MPP4: variants seen among roughly 807,000 people sequenced by gnomAD.
MPP4 encodes MAGUK p55 subfamily member 4.
A neutral mutation model predicts 98.3 loss-of-function variants in MPP4; 91 were observed. The ratio of observed to expected loss-of-function variants is 0.93; its 90% CI spans 0.78 to 1.10. The LOEUF is 1.10. Ranked by LOEUF, MPP4 falls within the 50% of genes least tolerant of loss-of-function variation. The probability of loss-of-function intolerance (pLI) is 0.00; values close to 1 mark genes in which losing one functional copy is unlikely to be tolerated. For missense variants in MPP4, 744 were observed against 792.9 expected (o/e 0.94, Z 0.74); for synonymous variants, 261 against 271.8 (o/e 0.96, Z 0.39).
At chr2:201,657,588 T>TTG in intron 16 of MPP4, among the ~76,000 whole-genome samples, 3 of 109,432 alleles carry the variant, frequency 2.7e-5, no homozygotes, top group East Asian at 2.7e-4. Flanking sequence ...ACCCTGGCCC[T>TTG]TGTTTTTTTT....
chr2:201,687,471 G>C (rs1040660301), intron 4 of MPP4, 100 bp from the exon 5 acceptor site: 2 of 838,388 alleles, frequency 2.4e-6, no homozygotes, highest in Non-Finnish European at 3.7e-6. Flanking sequence ...ACATGATATT[G>C]ACCTTTAAAA....
intron 20 of MPP4, among the ~76,000 whole-genome samples, 158 bp from the exon 21 acceptor site, chr2:201,647,983 G>A (rs573779822): frequency 6.6e-6 from 1 of 152,266 alleles, no homozygotes; most frequent in East Asian, 1.9e-4. Context: ...AGCCTCCCAA[G>A]TAGCTGGGAC....
intron 21 of MPP4, among the ~76,000 whole-genome samples, chr2:201,647,305 C>T (rs1687591380): frequency 6.6e-6 from 1 of 152,072 alleles, no homozygotes; most frequent in Non-Finnish European, 1.5e-5. Context: ...TGCCCAATTT[C>T]TGTTTGGCTT....
intron 3 of MPP4, among the ~76,000 whole-genome samples, chr2:201,691,287 A>G (rs757694012): frequency 1.8e-4 from 27 of 152,194 alleles, no homozygotes; most frequent in Admixed American, 7.2e-4. Context: ...TATAATATTA[A>G]CATGCACTAT....
intron 20 of MPP4, among the ~76,000 whole-genome samples, chr2:201,648,915 T>A (rs932856342): frequency 2.0e-5 from 3 of 151,986 alleles, no homozygotes; most frequent in Non-Finnish European, 4.4e-5. Context: ...AATACAAAAA[T>A]TAACCAGGCA....
At chr2:201,664,191 T>A in intron 13 of MPP4, 90 bp from the exon 14 acceptor site, 1 of 1,503,964 alleles carries the variant, frequency 6.6e-7, no homozygotes, top group South Asian at 1.2e-5. Flanking sequence ...CTCTGGCCCC[T>A]ACTTCTGCCC....
rs764824999 is a variant in MPP4 at position 201,680,947 on chromosome 2, C to A, written c.820G>T (p.Asp274Tyr). Residue 274 changes from aspartate (D) to tyrosine (Y), a missense_variant, in exon 10 of 22, where the codon GAC (aspartate) becomes TAC (tyrosine). Transcript: ENST00000409474. ...MDAGLPFQKGDILQIVDQNDA... is the reference protein window; with the variant it reads ...MDAGLPFQKGYILQIVDQNDA... ...TTCTGGTCCACAATCTGGAGGATGTCCCCCTTCTGGAAAGGCAATCCAGCG... is the reference window on the plus strand; with the variant it reads ...TTCTGGTCCACAATCTGGAGGATGTACCCCTTCTGGAAAGGCAATCCAGCG... The A allele has an allele frequency of 1.2e-6, 2 of 1,613,744 alleles. No individual in the cohort carries two copies. Among genetic ancestry groups the A allele is most frequent in the African/African-American group, 1.3e-5 (1 of 74,906 alleles).
chr2:201,667,958 A>G (rs1688229990), intron 12 of MPP4, among the ~76,000 whole-genome samples: 1 of 152,170 alleles, frequency 6.6e-6, no homozygotes, highest in Non-Finnish European at 1.5e-5. Flanking sequence ...TTTAGAGATT[A>G]TTTTCCTAAT....
chr2:201,658,828 C>T (rs1472387983), intron 15 of MPP4, among the ~76,000 whole-genome samples: 1 of 152,138 alleles, frequency 6.6e-6, no homozygotes, highest in Non-Finnish European at 1.5e-5. Context: ...TTTAAAAATA[C>T]ATACCCAGTT....
chr2:201,689,457 G>A lies in MPP4; in HGVS notation c.279+745C>T, dbSNP rs1243525622. 3.9e-5 allele frequency among the ~76,000 whole-genome samples: 6 copies of A among 152,198 alleles called. No homozygotes were observed. In the South Asian group the frequency reaches 6.2e-4, roughly 16 times the overall value. On this transcript the variant is annotated intron_variant, in intron 4 of 21. Transcript: ENST00000409474. ...TTCAAAGAGGGTATTTTTGGTTGCC[G>A]TGTTGAGAGTAGACTGTAGAGGAGC...
chr2:201,654,805 A>G (rs1416340592), intron 18 of MPP4, 32 bp downstream of exon 18: 5 of 1,536,478 alleles, frequency 3.3e-6, no homozygotes, highest in Non-Finnish European at 4.4e-6. Flanking sequence ...TTACCAAAAC[A>G]CAAACCATTA....
intron 8 of MPP4, 33 bp from the exon 9 acceptor site, chr2:201,681,600 C>T (rs1420077940): frequency 6.4e-7 from 1 of 1,573,404 alleles, no homozygotes; most frequent in Non-Finnish European, 8.7e-7. Flanking sequence ...GGATGACAAT[C>T]ATGGAGCTAG....
intron 11 of MPP4, among the ~76,000 whole-genome samples, chr2:201,674,540 T>A (rs1245293211): frequency 2.0e-5 from 3 of 152,058 alleles, no homozygotes; most frequent in Non-Finnish European, 4.4e-5. Context: ...AAAAATTACA[T>A]CAGTGAGAAA....
intron 15 of MPP4, 45 bp downstream of exon 15, chr2:201,660,287 T>C: frequency 6.5e-7 from 1 of 1,540,216 alleles, no homozygotes; most frequent in Non-Finnish European, 9.0e-7. Context: ...TGAAAGATCT[T>C]AAACATAGTT....
At chr2:201,693,106 T>G (rs1689085625) in intron 2 of MPP4, 77 bp from the exon 3 acceptor site, 4 of 1,514,154 alleles carry the variant, frequency 2.6e-6, no homozygotes, top group Non-Finnish European at 3.6e-6. Flanking sequence ...AGCTGGGGCA[T>G]GCCATGGGGT....
Position 201,690,218 on chromosome 2 carries a change from T to G in MPP4, c.263A>C (p.Gln88Pro). The change falls in exon 4 of 22, where the codon CAG becomes CCG. Residue 88 changes from glutamine (Q) to proline (P), a missense_variant. Coordinates refer to ENST00000409474, the MANE Select transcript of MPP4 (RefSeq NM_033066.3). Reference protein sequence around the residue: ...KKLVPATPHAQVLSYEVVELL... With the variant: ...KKLVPATPHAPVLSYEVVELL... The stretch of plus-strand genomic sequence containing the variant: ...TCTCCTTACCTCATAGGATAACACC[T>G]GTGCATGTGGTGTGGCAGGAACTAG... 6.2e-7 allele frequency: 1 copy of G among 1,608,408 alleles called. No individual in the cohort carries two copies. Among genetic ancestry groups the G allele is most frequent in the South Asian group, 1.1e-5 (1 of 89,528 alleles).
rs1687849236 is a variant in MPP4, at chr2:201,656,367, A to C, written c.1131T>G (p.Ala377=). Residue 377 remains alanine, a splice_region_variant and synonymous_variant, in exon 17 of 22, where the codon GCT becomes GCG. Transcript: ENST00000409474. ...AAAGGCGCATGCTGCGGCGGAAGCC[A>C]GCTAGGGAGGGGAAGTGCACAGAAC... The part of the protein sequence containing the change: ...FVGYGQKFFI[A]GFRRSMRLCR... 1 of 1,549,622 alleles carries C rather than the reference A, an allele frequency of 6.5e-7. No homozygotes were observed. Among genetic ancestry groups the C allele is most frequent in the Non-Finnish European group, 8.7e-7 (1 of 1,145,794 alleles).
chr2:201,656,518 A>T, intron 16 of MPP4, 150 bp from the exon 17 acceptor site: 1 of 775,256 alleles, frequency 1.3e-6, no homozygotes. Context: ...AAGTAATATG[A>T]GGGAAAAATA....
chr2:201,649,789 T>C, intron 19 of MPP4, 105 bp from the exon 20 acceptor site: 2 of 769,110 alleles, frequency 2.6e-6, no homozygotes, highest in Middle Eastern at 2.4e-4. Context: ...ATATGTGGAC[T>C]TTATTAACAC....
Sources: gnomAD v4.1 joint callset for allele counts (sites outside exome capture counted in the v4.1 genomes callset) on GRCh38, gnomAD v4.1.1 for gene constraint, MANE v1.5 for transcripts, NCBI Gene and HGNC (gene_info 2026-07-23, HGNC 2026-07-21) for gene names.